Variants in ATG7 observed in about 807,000 individuals in gnomAD.
The protein encoded by ATG7 is autophagy related 7.
Under a neutral mutation model 82.4 loss-of-function variants are expected in ATG7, and 70 were observed. The observed-to-expected ratio is 0.85, with a 90% confidence interval of 0.70 to 1.04. The LOEUF (loss-of-function observed/expected upper bound fraction) is 1.04, where lower values mean the gene tolerates loss of function less well. Ranked by LOEUF, ATG7 falls within the 50% of genes least tolerant of loss-of-function variation. The pLI is 0.00. For missense variants in ATG7, 792 were observed against 864.3 expected (o/e 0.92, Z 1.05); for synonymous variants, 287 against 313.0 (o/e 0.92, Z 0.88).
chr3:11,507,047 G>T (rs2091771653), intron 20 of ATG7, among the ~76,000 whole-genome samples: 2 of 152,142 alleles, frequency 1.3e-5, no homozygotes, highest in Non-Finnish European at 2.9e-5. Flanking sequence ...TTGGGAGGCT[G>T]AGGCAGGCAG....
intron 20 of ATG7, among the ~76,000 whole-genome samples, chr3:11,500,737 TCTC>T (rs1457747109): frequency 2.0e-5 from 3 of 152,122 alleles, no homozygotes; most frequent in Non-Finnish European, 4.4e-5. Flanking sequence ...TTCAAGCAAT[TCTC>T]CTGCCTCAGC....
intron 19 of ATG7, among the ~76,000 whole-genome samples, chr3:11,422,784 A>G (rs1411107926): frequency 9.3e-6 from 1 of 107,796 alleles, no homozygotes; most frequent in Non-Finnish European, 1.7e-5. Flanking sequence ...ACAGAGTCTC[A>G]CTCCGTTGCC....
At chr3:11,272,939 C>T (rs989847134) in intron 1 of ATG7, among the ~76,000 whole-genome samples, 2 of 152,174 alleles carry the variant, frequency 1.3e-5, no homozygotes, top group African/African-American at 4.8e-5. Context: ...GGGTTAGAAA[C>T]TAATGCACAA....
At chr3:11,407,007 C>T (rs1198505147) in intron 19 of ATG7, among the ~76,000 whole-genome samples, 1 of 152,210 alleles carries the variant, frequency 6.6e-6, no homozygotes, top group Non-Finnish European at 1.5e-5. Flanking sequence ...CCCCCAAAGT[C>T]TCAACTAATT....
At chr3:11,442,715 C>T (rs116383262) in intron 20 of ATG7, among the ~76,000 whole-genome samples, 48 of 110,356 alleles carry the variant, frequency 4.3e-4, no homozygotes, top group African/African-American at 1.6e-3. Context: ...CCAGCTTGGG[C>T]AGCATAGTGA....
chr3:11,479,057 A>C (rs917090555), intron 20 of ATG7, among the ~76,000 whole-genome samples: 1 of 147,084 alleles, frequency 6.8e-6, no homozygotes, highest in Non-Finnish European at 1.5e-5. Flanking sequence ...TACTTTGTGG[A>C]TACTGGCCAC....
intron 20 of ATG7, among the ~76,000 whole-genome samples, chr3:11,552,939 A>G (rs1331723103): frequency 2.0e-5 from 3 of 152,054 alleles, no homozygotes; most frequent in African/African-American, 4.8e-5. Flanking sequence ...ACTTTCCTAT[A>G]AAGCCCAGCC....
chr3:11,573,375 GAA>G, the ATG7 span, among the ~76,000 whole-genome samples: 69 of 143,972 alleles, frequency 4.8e-4, no homozygotes, highest in African/African-American at 1.7e-3. Context: ...AAGAAAGAAA[GAA>G]AGAAAGAAAG....
chr3:11,366,218 C>CAA (rs1296231136), intron 18 of ATG7, among the ~76,000 whole-genome samples: 4,537 of 60,524 alleles, frequency 0.075, 374 homozygotes, highest in African/African-American at 0.22. Context: ...GACTCCATCT[C>CAA]AAAAAAAAAA....
intron 19 of ATG7, among the ~76,000 whole-genome samples, chr3:11,417,257 TCTGATAGAGCAGTATTGAAGTCTA>T (rs1353850454): frequency 6.6e-6 from 1 of 152,204 alleles, no homozygotes; most frequent in East Asian, 1.9e-4. Context: ...TCTTTCTACT[TCTGATAGAGCAGTATTGAAGTCTA>T]CAGCTACAAA....
intron 18 of ATG7, among the ~76,000 whole-genome samples, chr3:11,379,678 T>C (rs2152846397): frequency 6.6e-6 from 1 of 152,362 alleles, no homozygotes; most frequent in African/African-American, 2.4e-5. Context: ...TAAAAAATAC[T>C]TTAGATACTA....
chr3:11,339,826 T>C (rs1246361733), intron 11 of ATG7, among the ~76,000 whole-genome samples: 5 of 152,238 alleles, frequency 3.3e-5, no homozygotes, highest in African/African-American at 9.6e-5. Context: ...GTGGGTTCTG[T>C]ACTGCAGGTT....
intron 3 of ATG7, among the ~76,000 whole-genome samples, chr3:11,296,049 A>AT (rs1479102714): frequency 6.6e-6 from 1 of 152,168 alleles, no homozygotes; most frequent in African/African-American, 2.4e-5. Flanking sequence ...AAGTGCTGGG[A>AT]TTACAGGCAT....
intron 20 of ATG7, chr3:11,477,278 C>A: frequency 2.4e-6 from 3 of 1,225,780 alleles, no homozygotes; most frequent in East Asian, 5.9e-5. Context: ...GGTAGATGAA[C>A]AATGATGATA....
At chr3:11,418,284 T>A (rs866954070) in intron 19 of ATG7, among the ~76,000 whole-genome samples, 37 of 151,282 alleles carry the variant, frequency 2.4e-4, no homozygotes, top group East Asian at 5.9e-4. Context: ...TTTTTTTTTT[T>A]TATATTTTGT....
At chr3:11,429,863 T>C (rs1466065541) in intron 20 of ATG7, among the ~76,000 whole-genome samples, 2 of 151,346 alleles carry the variant, frequency 1.3e-5, no homozygotes, top group Admixed American at 1.3e-4. Flanking sequence ...GGAAAATTGC[T>C]TGAACCAGGG....
chr3:11,402,560 C>T (rs533507429), intron 19 of ATG7, among the ~76,000 whole-genome samples: 112 of 152,320 alleles, frequency 7.4e-4, no homozygotes, highest in African/African-American at 2.6e-3. Flanking sequence ...ACCTAGGTTT[C>T]ACCTAGAACC....
chr3:11,499,747 CAA>C (rs1166664089), intron 20 of ATG7, among the ~76,000 whole-genome samples: 131 of 96,364 alleles, frequency 1.4e-3, no homozygotes, highest in African/African-American at 3.5e-3. Context: ...AACTCCATCT[CAA>C]AAAAAAAAAA....
chr3:11,331,004 A>AT (rs1168916799), intron 9 of ATG7, among the ~76,000 whole-genome samples: 3 of 152,094 alleles, frequency 2.0e-5, no homozygotes, highest in Non-Finnish European at 4.4e-5. Flanking sequence ...TTACAAGAGG[A>AT]TTTTCTCTAC....
Sources: allele counts gnomAD v4.1 joint callset (sites outside exome capture counted in the v4.1 genomes callset), GRCh38; gene constraint gnomAD v4.1.1; transcripts MANE v1.5; gene names NCBI Gene and HGNC (gene_info 2026-07-23, HGNC 2026-07-21).